Variants in NICN1 observed in about 807,000 individuals in gnomAD.
NICN1 encodes the protein nicolin-1.
NICN1 carries 18 observed loss-of-function variants against 26.3 expected under a neutral mutation model. The ratio of observed to expected loss-of-function variants is 0.68; its 90% CI spans 0.47 to 1.01. NICN1 has a LOEUF of 1.01. Among genes scored for constraint, NICN1 ranks in the 50% least tolerant of loss-of-function variants. The probability of loss-of-function intolerance (pLI) is 0.00; values close to 1 mark genes in which losing one functional copy is unlikely to be tolerated. For synonymous variants in NICN1, 109 were observed against 111.0 expected, an observed-to-expected ratio of 0.98 and a Z score of 0.11; for missense variants, 239 against 278.3, an observed-to-expected ratio of 0.86 and a Z score of 1.00.
In NICN1 at chr3:49,424,316, G is replaced by C. The variant is rs945272184; in HGVS notation, c.*517C>G. On this transcript the variant is annotated 3_prime_UTR_variant, in exon 6 of 6. Coordinates refer to ENST00000273598, the MANE Select transcript of NICN1 (RefSeq NM_032316.3). ...TCCTTCCTAGGCAGGCAGCAGAAGAGTTCAGACAGGAAATTTCTCTCTGTG... is the reference window on the plus strand; with the variant it reads ...TCCTTCCTAGGCAGGCAGCAGAAGACTTCAGACAGGAAATTTCTCTCTGTG... 2.9e-5 allele frequency: 5 copies of C among 171,500 alleles called. No individual in the cohort carries two copies. The highest frequency in any genetic ancestry group is 1.1e-4 in the Admixed American group (2 of 17,582). 10.6% of individuals were successfully genotyped at this position (171,500 alleles called of 1,614,324 possible).
chr3:49,424,911 G>C, intron 5 of NICN1, 37 bp from the exon 6 acceptor site: 1 of 1,613,548 alleles, frequency 6.2e-7, no homozygotes, highest in Non-Finnish European at 8.5e-7. Context: ...GATCTGCTCA[G>C]GGCAAAGCAA....
chr3:49,425,721 T>C (rs1338068455), intron 3 of NICN1, among the ~76,000 whole-genome samples, 162 bp downstream of exon 3: 1 of 152,176 alleles, frequency 6.6e-6, no homozygotes, highest in Non-Finnish European at 1.5e-5. Flanking sequence ...TATGGGGACA[T>C]GGCCTCACCT....
rs114447620 is a variant in NICN1, at chr3:49,426,300, T to C, written c.261A>G (p.Pro87=). Residue 87 remains proline, a synonymous_variant, in exon 2 of 6, where the codon CCA becomes CCG. Transcript: ENST00000273598. ...CLRDYCLMPD[P]HSEEGAQEYV... is the part of the protein sequence containing the mutation. ...ACTCCTGGGCTCCCTCCTCACTGTGTGGGTCAGGCATTAGGCAGTAGTCCC... is the reference window on the plus strand; with the variant it reads ...ACTCCTGGGCTCCCTCCTCACTGTGCGGGTCAGGCATTAGGCAGTAGTCCC... 4.4e-5 allele frequency: 71 copies of C among 1,614,216 alleles called. No homozygotes were observed. In the African/African-American group the frequency reaches 7.6e-4, roughly 17 times the overall value.
chr3:49,425,146 G>T, intron 4 of NICN1, 93 bp from the exon 5 acceptor site: 1 of 1,033,380 alleles, frequency 9.7e-7, no homozygotes, highest in Non-Finnish European at 1.5e-6. Context: ...GGGCCCTCCA[G>T]CTGAGACCAA....
chr3:49,422,724 T>G lies in NICN1; in HGVS notation c.*2109A>C. The G allele has an allele frequency of 1.7e-6, 1 of 584,746 alleles. No homozygotes were observed. 36.2% of individuals were successfully genotyped at this position (584,746 alleles called of 1,614,324 possible). A position where few individuals can be genotyped will look rare whatever the true frequency, so the allele number is the denominator to read the frequency against. On this transcript the variant is annotated 3_prime_UTR_variant, in exon 6 of 6. Transcript: ENST00000273598. The stretch of plus-strand genomic sequence containing the variant: ...GGCTGCCCAGAACAAAGCTAGGGGC[T>G]AGACCGCCCCCTGCAGAACCGCCCT...
Position 49,424,797 on chromosome 3 carries a change from CA to C in NICN1, c.*35del. ...GTGGCCCAAACCAAGTCTGGGTGGG[CA>C]CAGAAAGGCCAACATCTTGGCTAGG... On this transcript the variant is annotated 3_prime_UTR_variant, in exon 6 of 6. Coordinates refer to ENST00000273598, the MANE Select transcript of NICN1 (RefSeq NM_032316.3). The C allele has an allele frequency of 6.2e-7, 1 of 1,600,710 alleles. No homozygotes were observed. Among genetic ancestry groups the C allele is most frequent in the Non-Finnish European group, 8.6e-7 (1 of 1,168,006 alleles).
chr3:49,426,524 CTTTTCTT>C, intron 1 of NICN1, 96 bp from the exon 2 acceptor site: 1 of 876,102 alleles, frequency 1.1e-6, no homozygotes. Flanking sequence ...TTCTCCCCAC[CTTTTCTT>C]TTTTTTTTTT....
Position 49,424,684 on chromosome 3 carries a change from T to G in NICN1, c.*149A>C. 1.4e-6 allele frequency: 1 copy of G among 714,012 alleles called. No homozygotes were observed. Among genetic ancestry groups the G allele is most frequent in the Non-Finnish European group, 2.5e-6 (1 of 396,566 alleles). 44.2% of individuals were successfully genotyped at this position (714,012 alleles called of 1,614,324 possible). ...ATGCTGAAGTAACACGGTAAGCCCC[T>G]GAGAATCCTGAATCTGTGAATGTGG... On this transcript the variant is annotated 3_prime_UTR_variant, in exon 6 of 6. Transcript: ENST00000273598.
Position 49,426,234 on chromosome 3 carries a change from T to C in NICN1, c.309+18A>G. 6.2e-7 allele frequency: 1 copy of C among 1,612,790 alleles called. No individual in the cohort carries two copies. The highest frequency in any genetic ancestry group is 1.3e-5 in the African/African-American group (1 of 75,012). On this transcript the variant is annotated intron_variant, in intron 2 of 5. Coordinates refer to ENST00000273598, the MANE Select transcript of NICN1 (RefSeq NM_032316.3). ...GTCCTCATCTGGGCTGCCCTGGCCA[T>C]CCTGAGGCCCAGCTGACCTGATGCT...
chr3:49,427,786 C>T (rs1240414384), intron 1 of NICN1, among the ~76,000 whole-genome samples: 1 of 152,116 alleles, frequency 6.6e-6, no homozygotes, highest in Non-Finnish European at 1.5e-5. Context: ...TCATTGGATA[C>T]TCATCAGAAT....
At chr3:49,428,077 G>A (rs553665802) in intron 1 of NICN1, among the ~76,000 whole-genome samples, 7 of 152,146 alleles carry the variant, frequency 4.6e-5, no homozygotes, top group East Asian at 1.9e-4. Context: ...AAATTTAGCC[G>A]GGCGTGATGG....
rs2049153974 is a variant in NICN1 at position 49,424,486 on chromosome 3, C to T, written c.*347G>A. The stretch of plus-strand genomic sequence containing the variant: ...GCAGGTTTTAGTAGGTCAGCCCAGC[C>T]CAACTGCACTGACATGAGGGAGCAG... On this transcript the variant is annotated 3_prime_UTR_variant, in exon 6 of 6. Transcript: ENST00000273598. 2.2e-6 allele frequency: 1 copy of T among 456,762 alleles called. No homozygotes were observed. 28.3% of individuals were successfully genotyped at this position (456,762 alleles called of 1,614,324 possible). A position where few individuals can be genotyped will look rare whatever the true frequency, so the allele number is the denominator to read the frequency against.
intron 2 of NICN1, 88 bp downstream of exon 2, chr3:49,426,164 C>T: frequency 7.2e-7 from 1 of 1,394,798 alleles, no homozygotes; most frequent in Non-Finnish European, 9.9e-7. Context: ...GACTGGCCCC[C>T]TCTTCCCTCT....
chr3:49,426,230 G>C (rs1243334896), intron 2 of NICN1, 22 bp downstream of exon 2: 1 of 1,611,438 alleles, frequency 6.2e-7, no homozygotes. Context: ...GGCTGCCCTG[G>C]CCATCCTGAG....
At chr3:49,425,536 T>C (rs1010658670) in intron 3 of NICN1, 98 bp from the exon 4 acceptor site, 12 of 991,362 alleles carry the variant, frequency 1.2e-5, no homozygotes, top group Non-Finnish European at 1.8e-5. Flanking sequence ...CCGCTGGGCC[T>C]CAGACACTGG....
rs184924606 is a variant in NICN1, at chr3:49,426,581, G to A, written c.133-153C>T. Among the ~76,000 whole-genome samples the A allele has an allele frequency of 2.7e-5, 4 of 149,494 alleles. No individual in the cohort carries two copies. In the East Asian group the frequency reaches 7.9e-4, roughly 30 times the overall value. On this transcript the variant is annotated intron_variant, in intron 1 of 5. Transcript: ENST00000273598. ...CTTGCTCTTTTGCCCAGGCTGGAGTGCAGTAGCGTGATCTCAGCTCACTGC... is the reference window on the plus strand; with the variant it reads ...CTTGCTCTTTTGCCCAGGCTGGAGTACAGTAGCGTGATCTCAGCTCACTGC...
In NICN1 at chr3:49,424,427, A is replaced by C. The variant is rs1461710512; in HGVS notation, c.*406T>G. ...TTCTTCCTCAAGTGTCCCAAGTGCC[A>C]TGGCAGCAATGGCCTTCCAGGTCCA... On this transcript the variant is annotated 3_prime_UTR_variant, in exon 6 of 6. Coordinates refer to ENST00000273598, the MANE Select transcript of NICN1 (RefSeq NM_032316.3). 5 of 284,050 alleles carry C rather than the reference A, an allele frequency of 1.8e-5. No individual in the cohort carries two copies. The East Asian group carries it at 3.2e-4, about 18-fold the overall frequency. The allele number at this position is 284,050 out of a possible 1,614,324, so 17.6% of individuals were successfully genotyped here. A position where few individuals can be genotyped will look rare whatever the true frequency, so the allele number is the denominator to read the frequency against.
rs777269497 is a variant in NICN1, at chr3:49,426,268, G to A, written c.293C>T (p.Ser98Leu). ...HSEEGAQEYV[S>L]LFKHQMLCDM... is the part of the protein sequence containing the mutation. ...CCAGCTGACCTGATGCTTGAACAGC[G>A]ATACATACTCCTGGGCTCCCTCCTC... is the stretch of plus-strand genomic sequence containing the variant. Residue 98 changes from serine (S) to leucine (L), a missense_variant, in exon 2 of 6, where the codon TCG (serine) becomes TTG (leucine). Physicochemically the swap from Ser to Leu is moderately radical, Grantham distance 145. Coordinates refer to ENST00000273598, the MANE Select transcript of NICN1 (RefSeq NM_032316.3). 4.3e-5 allele frequency: 69 copies of A among 1,613,996 alleles called. No homozygotes were observed. The highest frequency in any genetic ancestry group is 1.1e-4 in the South Asian group (10 of 91,064).
intron 1 of NICN1, among the ~76,000 whole-genome samples, chr3:49,427,720 C>T (rs924424788): frequency 2.0e-5 from 3 of 151,430 alleles, no homozygotes; most frequent in Non-Finnish European, 2.9e-5. Context: ...GGTGAGAGAA[C>T]CTGGTGTGCC....
Sources: gnomAD v4.1 joint callset for allele counts (sites outside exome capture counted in the v4.1 genomes callset) on GRCh38, gnomAD v4.1.1 for gene constraint, MANE v1.5 for transcripts, NCBI Gene and HGNC (gene_info 2026-07-23, HGNC 2026-07-21) for gene names.